Variants in PHF24 observed in about 807,000 individuals in gnomAD.
The protein encoded by PHF24 is PHD finger protein 24.
In PHF24, 25 loss-of-function variants were observed where a neutral mutation model predicts 42.6. The observed-to-expected ratio is 0.59, with a 90% CI of 0.43 to 0.82. The LOEUF (loss-of-function observed/expected upper bound fraction) is 0.82, where lower values mean the gene tolerates loss of function less well. Among genes scored for constraint, PHF24 ranks in the 40% least tolerant of loss-of-function variants. The pLI is 0.00. For missense variants in PHF24, 470 were observed against 538.1 expected, an observed-to-expected ratio of 0.87 and a Z score of 1.25; for synonymous variants, 185 against 204.8, an observed-to-expected ratio of 0.90 and a Z score of 0.83.
chr9:34,790,067 C>T, the PHF24 span, among the ~76,000 whole-genome samples: 2 of 152,140 alleles, frequency 1.3e-5, no homozygotes, highest in Non-Finnish European at 2.9e-5. Context: ...AGGCTGATCT[C>T]GAGCTCCTAG....
intron 1 of PHF24, among the ~76,000 whole-genome samples, chr9:34,959,480 G>A (rs1826513532): frequency 6.6e-6 from 1 of 152,124 alleles, no homozygotes; most frequent in African/African-American, 2.4e-5. Flanking sequence ...ATTTTATTTG[G>A]GAAAAAGTAC....
the PHF24 span, chr9:34,726,814 C>G: frequency 2.6e-6 from 4 of 1,551,812 alleles, no homozygotes; most frequent in Non-Finnish European, 3.5e-6. Context: ...TAGACGTAGA[C>G]AGCATCTCTA....
the PHF24 span, among the ~76,000 whole-genome samples, chr9:34,847,492 G>A: frequency 6.6e-6 from 1 of 151,956 alleles, no homozygotes; most frequent in African/African-American, 2.4e-5. Context: ...AGCTTAAGGA[G>A]ATTTTGGGCT....
At chr9:34,947,132 A>G in the PHF24 span, among the ~76,000 whole-genome samples, 13 of 152,252 alleles carry the variant, frequency 8.5e-5, no homozygotes, top group Admixed American at 4.6e-4. Flanking sequence ...GACCTAGCCA[A>G]TTATAGAGTC....
At chr9:34,844,701 G>A in the PHF24 span, among the ~76,000 whole-genome samples, 1 of 152,058 alleles carries the variant, frequency 6.6e-6, no homozygotes, top group South Asian at 2.1e-4. Flanking sequence ...TCTTAAATGT[G>A]TTATTTCACT....
the PHF24 span, among the ~76,000 whole-genome samples, chr9:34,915,914 C>CT: frequency 0.92 from 139,722 of 151,956 alleles, 64,270 homozygotes; most frequent in Middle Eastern, 0.95. Flanking sequence ...AGCGGTCCCC[C>CT]CCCACACCAC....
chr9:34,751,416 A>G, the PHF24 span, among the ~76,000 whole-genome samples: 1 of 152,198 alleles, frequency 6.6e-6, no homozygotes, highest in Admixed American at 6.6e-5. Context: ...TATATCAGAC[A>G]AAATAGATTT....
chr9:34,937,207 A>G, the PHF24 span, among the ~76,000 whole-genome samples: 1 of 152,222 alleles, frequency 6.6e-6, no homozygotes, highest in East Asian at 1.9e-4. Flanking sequence ...TGGAATAGAA[A>G]GGGGGAAAGG....
the PHF24 span, among the ~76,000 whole-genome samples, chr9:34,877,979 T>C: frequency 1.3e-5 from 2 of 152,128 alleles, no homozygotes; most frequent in Admixed American, 6.5e-5. Context: ...TAATGGTTGA[T>C]ACATGTCATT....
chr9:34,830,015 T>G, the PHF24 span, among the ~76,000 whole-genome samples: 2 of 152,234 alleles, frequency 1.3e-5, no homozygotes, highest in Non-Finnish European at 2.9e-5. Context: ...GTCAGAAATG[T>G]GGCTTTGAGA....
the PHF24 span, among the ~76,000 whole-genome samples, chr9:34,831,867 T>C: frequency 6.6e-5 from 10 of 152,256 alleles, no homozygotes; most frequent in South Asian, 2.1e-3. Flanking sequence ...AGAAAGATCT[T>C]CCCAGTATAA....
the PHF24 span, among the ~76,000 whole-genome samples, chr9:34,906,154 T>C: frequency 2.6e-5 from 4 of 152,244 alleles, no homozygotes; most frequent in African/African-American, 9.6e-5. Flanking sequence ...AAATAGACTC[T>C]GAAAATATTT....
intron 2 of PHF24, among the ~76,000 whole-genome samples, chr9:34,972,067 C>A (rs562663149): frequency 6.6e-6 from 1 of 152,302 alleles, no homozygotes; most frequent in East Asian, 1.9e-4. Context: ...GATAAATGTC[C>A]TGCAATGCCT....
the PHF24 span, among the ~76,000 whole-genome samples, chr9:34,707,670 A>G: frequency 6.6e-6 from 1 of 152,106 alleles, no homozygotes; most frequent in African/African-American, 2.4e-5. Context: ...GGAAAAGTTG[A>G]TGGAGCAGCC....
chr9:34,881,034 T>G, the PHF24 span, among the ~76,000 whole-genome samples: 4 of 152,154 alleles, frequency 2.6e-5, no homozygotes, highest in South Asian at 2.1e-4. Flanking sequence ...GCAATCAAAG[T>G]AGAACTTAGG....
chr9:34,796,368 T>C, the PHF24 span, among the ~76,000 whole-genome samples: 9 of 151,540 alleles, frequency 5.9e-5, no homozygotes, highest in Admixed American at 6.6e-5. Flanking sequence ...GAAAAAAAAA[T>C]TGAATTTCAT....
At chr9:34,768,617 G>T in the PHF24 span, among the ~76,000 whole-genome samples, 1 of 152,150 alleles carries the variant, frequency 6.6e-6, no homozygotes, top group East Asian at 1.9e-4. Flanking sequence ...CCTGGCGTAC[G>T]TTGGTGGCTA....
At chr9:34,935,893 A>G in the PHF24 span, among the ~76,000 whole-genome samples, 11 of 152,020 alleles carry the variant, frequency 7.2e-5, no homozygotes, top group African/African-American at 2.4e-4. Flanking sequence ...ATTGGGATAC[A>G]GATACACTGT....
At chr9:34,825,800 T>A in the PHF24 span, among the ~76,000 whole-genome samples, 1 of 152,174 alleles carries the variant, frequency 6.6e-6, no homozygotes, top group Non-Finnish European at 1.5e-5. Context: ...ATGTGTGTAA[T>A]TCTGCCCTGG....
Sources: gnomAD v4.1 joint callset for allele counts (sites outside exome capture counted in the v4.1 genomes callset) on GRCh38, gnomAD v4.1.1 for gene constraint, MANE v1.5 for transcripts, NCBI Gene and HGNC (gene_info 2026-07-23, HGNC 2026-07-21) for gene names.